Variants in RGS6 observed in about 807,000 individuals in gnomAD.
RGS6 encodes the protein regulator of G-protein signaling 6.
A neutral mutation model predicts 78.5 loss-of-function variants in RGS6; 30 were observed. That is an observed-to-expected ratio of 0.38 (90% CI 0.29 to 0.52). The LOEUF is 0.52. RGS6 is among the 20% of genes least tolerant of loss of function. RGS6 has a pLI of 0.85. For synonymous variants in RGS6, 206 were observed against 206.0 expected, an observed-to-expected ratio of 1.00 and a Z score of 0.00; for missense variants, 495 against 609.7, an observed-to-expected ratio of 0.81 and a Z score of 1.98.
intron 2 of RGS6, among the ~76,000 whole-genome samples, chr14:72,095,005 G>A (rs988455356): frequency 2.6e-5 from 4 of 151,960 alleles, no homozygotes; most frequent in African/African-American, 4.8e-5. Flanking sequence ...TTTTTTGACT[G>A]TCAGCCTGAG....
intron 6 of RGS6, 100 bp from the exon 7 acceptor site, chr14:72,465,658 A>ATGGATGGGTGAG: frequency 1.3e-6 from 1 of 761,518 alleles, no homozygotes; most frequent in South Asian, 1.6e-5. Flanking sequence ...GGATGGATGG[A>ATGGATGGGTGAG]TGGGTGAATG....
At chr14:72,547,919 A>G (rs147381817) in intron 17 of RGS6, among the ~76,000 whole-genome samples, 1 of 152,330 alleles carries the variant, frequency 6.6e-6, no homozygotes, top group African/African-American at 2.4e-5. Context: ...ACCTTAAAAA[A>G]TACATTTCCC....
chr14:72,227,128 T>A (rs1332686926), intron 2 of RGS6, among the ~76,000 whole-genome samples: 6 of 152,222 alleles, frequency 3.9e-5, no homozygotes. Context: ...AATATGAAGA[T>A]GTTGTATGTG....
intron 2 of RGS6, among the ~76,000 whole-genome samples, chr14:72,264,893 A>G (rs1383165513): frequency 6.6e-6 from 1 of 152,134 alleles, no homozygotes; most frequent in African/African-American, 2.4e-5. Flanking sequence ...TCAACATACC[A>G]TGCTTTCAGG....
At chr14:72,488,170 T>C (rs1451741285) in intron 12 of RGS6, among the ~76,000 whole-genome samples, 1 of 152,242 alleles carries the variant, frequency 6.6e-6, no homozygotes, top group Non-Finnish European at 1.5e-5. Context: ...CCAGTACCAC[T>C]CATCTCTGAC....
rs139782125 is a variant in RGS6 at position 72,111,452 on chromosome 14, A to G, written c.84+146577A>G. ...TCTCAGTAGGATTCATGGTATTTCTATGTAATTTCCACTTACAAATTACAC... is the reference window on the plus strand; with the variant it reads ...TCTCAGTAGGATTCATGGTATTTCTGTGTAATTTCCACTTACAAATTACAC... On this transcript the variant is annotated intron_variant, in intron 2 of 17. Coordinates refer to ENST00000553525, the MANE Select transcript of RGS6 (RefSeq NM_001204424.2). Among the ~76,000 whole-genome samples the G allele has an allele frequency of 5.2e-3, 798 of 152,320 alleles. 19 individuals carry two copies. The highest frequency in any genetic ancestry group is 0.048 in the Admixed American group (734 of 15,300).
At chr14:72,319,517 A>G (rs847350) in intron 2 of RGS6, among the ~76,000 whole-genome samples, 45,756 of 151,814 alleles carry the variant, frequency 0.3, 7,069 homozygotes, top group South Asian at 0.4. Context: ...ATGCCCGGCT[A>G]ATTTTTTTGT....
chr14:71,990,193 T>C (rs928309511), intron 2 of RGS6, among the ~76,000 whole-genome samples: 1 of 152,164 alleles, frequency 6.6e-6, no homozygotes, highest in African/African-American at 2.4e-5. Flanking sequence ...ATGAGGGTTC[T>C]ACGCCTATAA....
chr14:71,931,609 A>G (rs2087868172), upstream of RGS6, among the ~76,000 whole-genome samples: 1 of 152,140 alleles, frequency 6.6e-6, no homozygotes, highest in South Asian at 2.1e-4. Context: ...TCAGGACTAA[A>G]TCTCAAATTT....
intron 2 of RGS6, among the ~76,000 whole-genome samples, chr14:72,081,750 C>G (rs561664517): frequency 6.1e-4 from 93 of 152,166 alleles, no homozygotes; most frequent in Non-Finnish European, 1.1e-3. Context: ...AAATGCAAGT[C>G]TATCTTCAAC....
intron 3 of RGS6, among the ~76,000 whole-genome samples, chr14:72,380,832 G>C (rs2085885755): frequency 6.6e-6 from 1 of 151,868 alleles, no homozygotes; most frequent in South Asian, 2.1e-4. Flanking sequence ...TTTATGCAAA[G>C]GGAAGGAAAT....
At chr14:72,587,196 A>G in the RGS6 span, among the ~76,000 whole-genome samples, 1 of 152,220 alleles carries the variant, frequency 6.6e-6, no homozygotes, top group South Asian at 2.1e-4. Flanking sequence ...CCCCTCTAGC[A>G]TGCCTTCCTG....
the RGS6 span, among the ~76,000 whole-genome samples, chr14:71,869,093 C>T: frequency 6.6e-6 from 1 of 152,198 alleles, no homozygotes; most frequent in Non-Finnish European, 1.5e-5. Context: ...GGATTGTACT[C>T]CTTAATAAGG....
intron 2 of RGS6, among the ~76,000 whole-genome samples, chr14:72,081,199 A>G (rs1029246800): frequency 2.6e-5 from 4 of 152,014 alleles, no homozygotes; most frequent in African/African-American, 9.7e-5. Context: ...TCACTGTCAT[A>G]TAGTTTTCAG....
chr14:72,412,851 G>GTT (rs2093524132), intron 3 of RGS6, among the ~76,000 whole-genome samples: 1 of 152,130 alleles, frequency 6.6e-6, no homozygotes, highest in African/African-American at 2.4e-5. Context: ...GGAGCAGGTT[G>GTT]TTCAGTTTCC....
At chr14:71,957,774 T>G (rs552225247) in intron 1 of RGS6, among the ~76,000 whole-genome samples, 1 of 152,230 alleles carries the variant, frequency 6.6e-6, no homozygotes, top group South Asian at 2.1e-4. Context: ...TTATTTTTAT[T>G]TTTACTTCAG....
chr14:72,117,710 G>T (rs571101897), intron 2 of RGS6, among the ~76,000 whole-genome samples: 3 of 152,146 alleles, frequency 2.0e-5, no homozygotes, highest in Non-Finnish European at 4.4e-5. Flanking sequence ...TTTAACTCTG[G>T]CTACTCAGGG....
chr14:71,929,957 C>G (rs1460789647), upstream of RGS6, among the ~76,000 whole-genome samples: 1 of 152,128 alleles, frequency 6.6e-6, no homozygotes, highest in East Asian at 1.9e-4. Flanking sequence ...TAAGTATTTT[C>G]TCATTTCCTT....
rs78377632 is a variant in RGS6, at chr14:72,038,899, A to G, written c.84+74024A>G. ...CTTCTTTTCCAGTCAGGATATCTTTATTTCTTTTCCTTGCCTGATTGCTCT... is the reference window on the plus strand; with the variant it reads ...CTTCTTTTCCAGTCAGGATATCTTTGTTTCTTTTCCTTGCCTGATTGCTCT... On this transcript the variant is annotated intron_variant, in intron 2 of 17. Coordinates refer to ENST00000553525, the MANE Select transcript of RGS6 (RefSeq NM_001204424.2). Among the ~76,000 whole-genome samples the G allele has an allele frequency of 8.0e-3, 1,216 of 152,124 alleles. 17 individuals are homozygous for G. The highest frequency in any genetic ancestry group is 0.028 in the African/African-American group (1,150 of 41,530).
Sources: allele counts gnomAD v4.1 joint callset (sites outside exome capture counted in the v4.1 genomes callset), GRCh38; gene constraint gnomAD v4.1.1; transcripts MANE v1.5; gene names NCBI Gene and HGNC (gene_info 2026-07-23, HGNC 2026-07-21).